The following WDR64 variants were observed in gnomAD, a reference collection of about 807,000 sequenced individuals.
The protein encoded by WDR64 is WD repeat domain 64.
In WDR64, 112 loss-of-function variants were observed where a neutral mutation model predicts 139.3. That is an observed-to-expected ratio of 0.80 (90% CI 0.69 to 0.94). The LOEUF (loss-of-function observed/expected upper bound fraction) is 0.94. WDR64 is among the 40% of genes least tolerant of loss of function. The pLI is 0.00. For missense variants in WDR64, 1,206 were observed against 1,293.1 expected (o/e 0.93, Z 1.03); for synonymous variants, 444 against 437.7 (o/e 1.01, Z -0.18).
chr1:241,760,917 C>T (rs1458347788), intron 15 of WDR64, among the ~76,000 whole-genome samples: 1 of 151,942 alleles, frequency 6.6e-6, no homozygotes, highest in Non-Finnish European at 1.5e-5. Context: ...AGGCGCCCAC[C>T]ACCACGCCCG....
chr1:241,724,179 G>A (rs1324773999), intron 10 of WDR64, among the ~76,000 whole-genome samples: 2 of 152,010 alleles, frequency 1.3e-5, no homozygotes, highest in Admixed American at 6.6e-5. Context: ...GTTCCTACAT[G>A]GAAATATTGT....
intron 4 of WDR64, among the ~76,000 whole-genome samples, chr1:241,674,976 CCTT>C (rs1336586913): frequency 5.7e-5 from 2 of 34,984 alleles, no homozygotes; most frequent in East Asian, 1.0e-3. Context: ...CTTTTTCTTT[CCTT>C]CTTTCCTCCC....
chr1:241,747,779 AGGAAAGACTTCCTG>A (rs1285831326), intron 13 of WDR64, among the ~76,000 whole-genome samples: 1 of 152,234 alleles, frequency 6.6e-6, no homozygotes, highest in African/African-American at 2.4e-5. Flanking sequence ...AGACACAGGA[AGGAAAGACTTCCTG>A]GGAAAGACAG....
At chr1:241,801,000 A>C (rs1378132434) in intron 27 of WDR64, 132 bp from the exon 28 acceptor site, 1 of 684,882 alleles carries the variant, frequency 1.5e-6, no homozygotes, top group African/African-American at 1.8e-5. Context: ...AGGATTGTTA[A>C]GTAAATAACT....
intron 14 of WDR64, among the ~76,000 whole-genome samples, chr1:241,752,357 T>C (rs113561224): frequency 0.013 from 2,011 of 152,344 alleles, 45 homozygotes; most frequent in African/African-American, 0.046. Context: ...TATATTACTA[T>C]AGCCTTTCTT....
At chr1:241,682,663 A>G (rs1038127950) in intron 6 of WDR64, among the ~76,000 whole-genome samples, 3 of 152,144 alleles carry the variant, frequency 2.0e-5, no homozygotes, top group Non-Finnish European at 2.9e-5. Context: ...TTCAGTGAAG[A>G]ATGATTTCAC....
intron 19 of WDR64, among the ~76,000 whole-genome samples, chr1:241,771,939 T>TATA (rs1341202379): frequency 1.5e-5 from 1 of 64,738 alleles, no homozygotes; most frequent in African/African-American, 1.0e-4. Flanking sequence ...TATACATACA[T>TATA]ACATACATAT....
rs139081234 is a variant in WDR64, at chr1:241,800,807, TATTA to T, written c.3193-320_3193-317del. Reference sequence around the variant, plus strand: ...GCTCGCTTCAGCAGCACATATACAATATTAATTATTAATTAACCAAGTCTTGTTT... The same window carrying T: ...GCTCGCTTCAGCAGCACATATACAATATTATTAATTAACCAAGTCTTGTTT... On this transcript the variant is annotated intron_variant, in intron 27 of 27. Coordinates refer to ENST00000437684, the MANE Select transcript of WDR64 (RefSeq NM_001367482.1). Among the ~76,000 whole-genome samples, 694 of 152,290 alleles carry T rather than the reference TATTA, an allele frequency of 4.6e-3. 6 individuals are homozygous for T. Among genetic ancestry groups the T allele is most frequent in the African/African-American group, 0.016 (660 of 41,554 alleles).
In WDR64 at chr1:241,795,279, A is replaced by G. The variant is rs1336105317; in HGVS notation, c.3070A>G (p.Ile1024Val). ...EAGIVFGSLP[I>V]YSISSPTSLR... ...AGGGATTGTTTTCGGCTCTCTGCCT[A>G]TATACAGTGTGAGTTGGAGTTTCTA... is the stretch of plus-strand genomic sequence containing the variant. The change falls in exon 26 of 28, where the codon ATA becomes GTA. Residue 1024 changes from isoleucine (I) to valine (V), a missense_variant. By Grantham distance (29) the Ile-to-Val change is conservative (BLOSUM62 3). Transcript: ENST00000437684. 3.1e-6 allele frequency: 5 copies of G among 1,613,096 alleles called. No individual in the cohort carries two copies. Among genetic ancestry groups the G allele is most frequent in the East Asian group, 2.2e-5 (1 of 44,776 alleles).
chr1:241,757,653 T>TGG (rs1670252684), intron 15 of WDR64, among the ~76,000 whole-genome samples, 194 bp downstream of exon 15: 2 of 139,436 alleles, frequency 1.4e-5, no homozygotes, highest in Admixed American at 7.1e-5. Flanking sequence ...GGATTTGTTT[T>TGG]TTTTTTTTTT....
chr1:241,788,306 A>C (rs1659113986), intron 24 of WDR64, among the ~76,000 whole-genome samples: 1 of 152,228 alleles, frequency 6.6e-6, no homozygotes, highest in African/African-American at 2.4e-5. Flanking sequence ...AAATTTGACC[A>C]TGCTTAAAGG....
At chr1:241,734,026 A>C (rs1452000742) in intron 10 of WDR64, among the ~76,000 whole-genome samples, 1 of 152,198 alleles carries the variant, frequency 6.6e-6, no homozygotes, top group East Asian at 1.9e-4. Context: ...CTAAAGGGAA[A>C]AGTCAATCTG....
intron 9 of WDR64, 40 bp from the exon 10 acceptor site, chr1:241,723,257 C>T (rs749695047): frequency 1.9e-6 from 3 of 1,611,228 alleles, no homozygotes; most frequent in Admixed American, 3.4e-5. Flanking sequence ...ACTCTGACCA[C>T]CTCAGAAAAC....
intron 9 of WDR64, among the ~76,000 whole-genome samples, chr1:241,713,360 A>C (rs1279746633): frequency 5.0e-5 from 3 of 59,622 alleles, no homozygotes; most frequent in African/African-American, 1.3e-4. Context: ...AGGGAGGGAC[A>C]GAGGGAGGGA....
chr1:241,720,815 A>G (rs1668581169), intron 9 of WDR64, among the ~76,000 whole-genome samples: 1 of 151,954 alleles, frequency 6.6e-6, no homozygotes, highest in Admixed American at 6.6e-5. Context: ...CCCATTTGTC[A>G]ATTTTTGCTT....
At chr1:241,760,592 G>T (rs77197718) in intron 15 of WDR64, among the ~76,000 whole-genome samples, 4,009 of 150,536 alleles carry the variant, frequency 0.027, 185 homozygotes, top group African/African-American at 0.093. Flanking sequence ...AGAAGGAAAA[G>T]AACAACTTAG....
intron 3 of WDR64, among the ~76,000 whole-genome samples, chr1:241,672,297 A>T (rs1666263894): frequency 6.6e-6 from 1 of 152,144 alleles, no homozygotes; most frequent in African/African-American, 2.4e-5. Context: ...ACTAGAAAAA[A>T]AAAGAAAAAG....
At chr1:241,730,097 G>GA (rs995613452) in intron 10 of WDR64, among the ~76,000 whole-genome samples, 1 of 152,116 alleles carries the variant, frequency 6.6e-6, no homozygotes, top group African/African-American at 2.4e-5. Flanking sequence ...CATCTAGGAA[G>GA]AAAAAATAAA....
At chr1:241,756,465 G>C (rs1157363400) in intron 14 of WDR64, among the ~76,000 whole-genome samples, 1 of 152,102 alleles carries the variant, frequency 6.6e-6, no homozygotes, top group African/African-American at 2.4e-5. Context: ...TGAAATGATG[G>C]GGTTTTCTAA....
Sources: gnomAD v4.1 joint callset for allele counts (sites outside exome capture counted in the v4.1 genomes callset) on GRCh38, gnomAD v4.1.1 for gene constraint, MANE v1.5 for transcripts, NCBI Gene and HGNC (gene_info 2026-07-23, HGNC 2026-07-21) for gene names.